The following RIPOR2 variants were observed in gnomAD, a reference collection of about 807,000 sequenced individuals.
The protein encoded by RIPOR2 is rho family-interacting cell polarization regulator 2.
A neutral mutation model predicts 114.5 loss-of-function variants in RIPOR2; 39 were observed. That is an observed-to-expected ratio of 0.34 (90% CI 0.26 to 0.44). The LOEUF (loss-of-function observed/expected upper bound fraction) is 0.44. Among genes scored for constraint, RIPOR2 ranks in the 20% least tolerant of loss-of-function variants. The probability of loss-of-function intolerance (pLI) is 1.00; values close to 1 mark genes in which losing one functional copy is unlikely to be tolerated. For synonymous variants in RIPOR2, 445 were observed against 484.4 expected (o/e 0.92, Z 1.07); for missense variants, 1,007 against 1,255.1 (o/e 0.80, Z 2.99).
At chr6:24,963,930 C>A (rs1436161025) in intron 1 of RIPOR2, among the ~76,000 whole-genome samples, 1 of 152,116 alleles carries the variant, frequency 6.6e-6, no homozygotes, top group Non-Finnish European at 1.5e-5. Context: ...ATGTACCCTT[C>A]ACTCTGTTTT....
intron 1 of RIPOR2, among the ~76,000 whole-genome samples, chr6:25,032,734 A>G (rs1316291385): frequency 2.0e-5 from 3 of 152,180 alleles, no homozygotes; most frequent in African/African-American, 7.2e-5. Flanking sequence ...TCCGCTTTAC[A>G]ATTATAATCA....
At chr6:24,965,627 G>A (rs34888581) in intron 1 of RIPOR2, among the ~76,000 whole-genome samples, 3,378 of 152,188 alleles carry the variant, frequency 0.022, 54 homozygotes, top group Non-Finnish European at 0.035. Flanking sequence ...GATGCCTGAA[G>A]TCTTTGTGGG....
At chr6:25,004,119 C>A (rs1383981451) in intron 1 of RIPOR2, among the ~76,000 whole-genome samples, 3 of 152,160 alleles carry the variant, frequency 2.0e-5, no homozygotes, top group Non-Finnish European at 4.4e-5. Context: ...ATTGTCTCAA[C>A]TTCCTGAGAC....
intron 1 of RIPOR2, among the ~76,000 whole-genome samples, chr6:25,030,042 CA>C (rs1561854171): frequency 6.6e-6 from 1 of 152,008 alleles, no homozygotes; most frequent in Non-Finnish European, 1.5e-5. Context: ...TTGGTCTTAG[CA>C]TGACAGGACC....
chr6:25,003,965 A>C (rs947787272), intron 1 of RIPOR2, among the ~76,000 whole-genome samples: 1 of 152,222 alleles, frequency 6.6e-6, no homozygotes, highest in Non-Finnish European at 1.5e-5. Context: ...CTGTGTGAAT[A>C]AAGTACAAAT....
At chr6:24,866,279 AAAT>A (rs1234883314) in intron 6 of RIPOR2, among the ~76,000 whole-genome samples, 2 of 152,212 alleles carry the variant, frequency 1.3e-5, no homozygotes, top group African/African-American at 4.8e-5. Context: ...TTATGCTTCT[AAAT>A]AATAACAATA....
intron 1 of RIPOR2, chr6:24,976,584 A>T: frequency 6.2e-7 from 1 of 1,601,668 alleles, no homozygotes; most frequent in South Asian, 1.1e-5. Flanking sequence ...CAAAGACAGC[A>T]GAAAATTTTC....
chr6:24,934,378 G>C (rs191102268), intron 1 of RIPOR2, among the ~76,000 whole-genome samples: 26 of 152,336 alleles, frequency 1.7e-4, no homozygotes, highest in Non-Finnish European at 1.5e-4. Context: ...TTGGTAAACA[G>C]CAGCGAAGCT....
At chr6:25,023,880 T>A in intron 1 of RIPOR2, 1 of 723,534 alleles carries the variant, frequency 1.4e-6, no homozygotes, top group South Asian at 1.3e-5. Flanking sequence ...TGTAGAGACC[T>A]GGAGGCACTT....
upstream of RIPOR2, among the ~76,000 whole-genome samples, chr6:24,939,453 G>C (rs1157351959): frequency 1.3e-5 from 2 of 152,142 alleles, no homozygotes; most frequent in African/African-American, 4.8e-5. Context: ...ATGAGGCTTA[G>C]TCACCCAAGA....
At chr6:25,032,137 A>G (rs527838135) in intron 1 of RIPOR2, among the ~76,000 whole-genome samples, 1 of 150,006 alleles carries the variant, frequency 6.7e-6, no homozygotes, top group South Asian at 2.1e-4. Context: ...ACTTACATGA[A>G]TTTACTGTCC....
At chr6:24,860,049 T>C (rs1182332128) in intron 8 of RIPOR2, among the ~76,000 whole-genome samples, 7 of 152,198 alleles carry the variant, frequency 4.6e-5, no homozygotes, top group Non-Finnish European at 1.5e-5. Flanking sequence ...AATGCTCTAT[T>C]TTCTAAAACC....
intron 1 of RIPOR2, among the ~76,000 whole-genome samples, chr6:24,968,284 T>G (rs1773624481): frequency 6.6e-6 from 1 of 152,212 alleles, no homozygotes; most frequent in African/African-American, 2.4e-5. Flanking sequence ...ATGAGGGCCT[T>G]GACTGCCTTT....
chr6:25,031,699 T>TCATA (rs1776950279), intron 1 of RIPOR2, among the ~76,000 whole-genome samples: 1 of 35,464 alleles, frequency 2.8e-5, no homozygotes, highest in Non-Finnish European at 5.8e-5. Context: ...TAGGTGGTAG[T>TCATA]TATATATATA....
chr6:24,916,912 T>A (rs1215475823), intron 1 of RIPOR2, among the ~76,000 whole-genome samples: 2 of 152,148 alleles, frequency 1.3e-5, no homozygotes, highest in Non-Finnish European at 2.9e-5. Flanking sequence ...CACCCCCACT[T>A]CTAGCTTCCA....
chr6:24,936,113 G>A (rs1771789746), upstream of RIPOR2: 2 of 504,166 alleles, frequency 4.0e-6, no homozygotes, highest in Admixed American at 7.6e-5. Context: ...TCACCACTGA[G>A]GAGAAAGAAT....
intron 1 of RIPOR2, among the ~76,000 whole-genome samples, chr6:25,008,788 G>A (rs1265365775): frequency 6.6e-6 from 1 of 152,236 alleles, no homozygotes; most frequent in African/African-American, 2.4e-5. Context: ...AATTTGATGA[G>A]GAGATAGGCA....
intron 17 of RIPOR2, among the ~76,000 whole-genome samples, chr6:24,830,153 A>G (rs533151461): frequency 1.3e-5 from 2 of 152,038 alleles, no homozygotes; most frequent in South Asian, 4.2e-4. Context: ...TTTAGTAGAG[A>G]TGGAGTTTTG....
Position 25,023,728 on chromosome 6 carries a change from G to A in RIPOR2, c.76+18123C>T, listed in dbSNP as rs1776447281. 10 of 785,060 alleles carry A rather than the reference G, an allele frequency of 1.3e-5. No individual in the cohort carries two copies. The South Asian group carries it at 1.3e-4, about 10-fold the overall frequency. The allele number at this position is 785,060 out of a possible 1,614,324, so 48.6% of individuals were successfully genotyped here. On this transcript the variant is annotated intron_variant, in intron 1 of 13. Coordinates refer to the RIPOR2 transcript ENST00000510784. ...CCACACCGTGTTTGTCCGCGACTTCGTTCAGGTACATGAAGAACTCCAAGG... is the reference window on the plus strand; with the variant it reads ...CCACACCGTGTTTGTCCGCGACTTCATTCAGGTACATGAAGAACTCCAAGG...
Sources: gnomAD v4.1 joint callset for allele counts (sites outside exome capture counted in the v4.1 genomes callset) on GRCh38, gnomAD v4.1.1 for gene constraint, MANE v1.5 for transcripts, NCBI Gene and HGNC (gene_info 2026-07-23, HGNC 2026-07-21) for gene names.